The following DENND1A variants were observed in gnomAD, a reference collection of about 807,000 sequenced individuals.
DENND1A encodes DENN domain-containing protein 1A.
A neutral mutation model predicts 113.7 loss-of-function variants in DENND1A; 51 were observed. The ratio of observed to expected loss-of-function variants is 0.45; its 90% CI spans 0.36 to 0.57. The LOEUF (loss-of-function observed/expected upper bound fraction) is 0.57, where lower values mean the gene tolerates loss of function less well. Ranked by LOEUF, DENND1A falls within the 20% of genes least tolerant of loss-of-function variation. The probability of loss-of-function intolerance (pLI) is 0.00; values close to 1 mark genes in which losing one functional copy is unlikely to be tolerated. For missense variants in DENND1A, 1,258 were observed against 1,395.9 expected (o/e 0.90, Z 1.57); for synonymous variants, 565 against 570.8 (o/e 0.99, Z 0.14).
intron 2 of DENND1A, among the ~76,000 whole-genome samples, chr9:123,873,391 T>C (rs1007585811): frequency 6.6e-6 from 1 of 152,206 alleles, no homozygotes; most frequent in African/African-American, 2.4e-5. Context: ...GAGATGCTCT[T>C]CAGAGCACAG....
chr9:123,846,232 C>T (rs77130025), intron 2 of DENND1A, among the ~76,000 whole-genome samples: 2 of 152,330 alleles, frequency 1.3e-5, no homozygotes, highest in East Asian at 1.9e-4. Flanking sequence ...GAACCTTACA[C>T]ATTGCTGGTG....
At chr9:123,851,760 G>C (rs932126672) in intron 2 of DENND1A, among the ~76,000 whole-genome samples, 1 of 152,170 alleles carries the variant, frequency 6.6e-6, no homozygotes, top group Admixed American at 6.5e-5. Flanking sequence ...AGGCTCCTAC[G>C]GGGAGAAACA....
At chr9:123,428,535 T>C (rs1006814198) in intron 19 of DENND1A, among the ~76,000 whole-genome samples, 2 of 152,150 alleles carry the variant, frequency 1.3e-5, no homozygotes, top group African/African-American at 4.8e-5. Flanking sequence ...CAACACAGTA[T>C]TGGAAGTTCT....
At chr9:123,497,985 T>C (rs1474533725) in intron 13 of DENND1A, among the ~76,000 whole-genome samples, 1 of 152,180 alleles carries the variant, frequency 6.6e-6, no homozygotes, top group East Asian at 1.9e-4. Context: ...GCAAGGAGCC[T>C]TAAGAATGTG....
At chr9:123,538,805 C>CATATATATATAT (rs1169598985) in intron 13 of DENND1A, among the ~76,000 whole-genome samples, 1 of 50,088 alleles carries the variant, frequency 2.0e-5, no homozygotes, top group Non-Finnish European at 3.7e-5. Context: ...GGTGACAACT[C>CATATATATATAT]ATACATATAT....
chr9:123,884,457 T>TA (rs1318111138), intron 1 of DENND1A, among the ~76,000 whole-genome samples: 3 of 152,182 alleles, frequency 2.0e-5, no homozygotes, highest in African/African-American at 7.2e-5. Context: ...ATCCCATTAT[T>TA]AATTGTTTCA....
intron 2 of DENND1A, among the ~76,000 whole-genome samples, chr9:123,827,821 A>G (rs2132712002): frequency 6.6e-6 from 1 of 152,190 alleles, no homozygotes; most frequent in South Asian, 2.1e-4. Flanking sequence ...AATCACCTAA[A>G]CCCCTAATTG....
intron 13 of DENND1A, among the ~76,000 whole-genome samples, chr9:123,503,112 G>T (rs1362417477): frequency 3.9e-5 from 6 of 152,150 alleles, no homozygotes; most frequent in African/African-American, 1.2e-4. Context: ...TACCTGGCAG[G>T]TGGTCAGTGC....
intron 13 of DENND1A, among the ~76,000 whole-genome samples, chr9:123,478,507 C>T (rs1162372159): frequency 6.6e-6 from 1 of 152,214 alleles, no homozygotes; most frequent in Admixed American, 6.5e-5. Flanking sequence ...TTTCCAATAA[C>T]CAAAATAGCA....
chr9:123,709,275 CCCTCTGAGCACCAGTG>C (rs1398301520), intron 5 of DENND1A, among the ~76,000 whole-genome samples: 2 of 152,176 alleles, frequency 1.3e-5, no homozygotes, highest in African/African-American at 2.4e-5. Flanking sequence ...ACCCAGGCCC[CCCTCTGAGCACCAGTG>C]CCCCAGTTTC....
intron 17 of DENND1A, among the ~76,000 whole-genome samples, chr9:123,451,001 C>T (rs951239079): frequency 2.0e-5 from 3 of 151,670 alleles, no homozygotes; most frequent in Non-Finnish European, 2.9e-5. Flanking sequence ...TCTTTCCGTT[C>T]CAAAGCCCTT....
intron 9 of DENND1A, among the ~76,000 whole-genome samples, chr9:123,640,333 A>C (rs559546677): frequency 6.6e-6 from 1 of 152,198 alleles, no homozygotes; most frequent in Non-Finnish European, 1.5e-5. Context: ...TTGAAGACAG[A>C]GAAGCTGCTA....
intron 8 of DENND1A, among the ~76,000 whole-genome samples, chr9:123,654,967 A>G (rs2062855791): frequency 6.6e-6 from 1 of 152,098 alleles, no homozygotes; most frequent in African/African-American, 2.4e-5. Flanking sequence ...TGGAGTCAGG[A>G]ATCTCCCTCC....
intron 13 of DENND1A, among the ~76,000 whole-genome samples, chr9:123,535,812 C>T (rs767236258): frequency 1.7e-4 from 26 of 152,202 alleles, no homozygotes; most frequent in Non-Finnish European, 3.4e-4. Context: ...CTGAACTCAT[C>T]TTCTTTTATT....
intron 3 of DENND1A, among the ~76,000 whole-genome samples, chr9:123,785,324 C>G (rs992948382): frequency 6.6e-6 from 1 of 152,048 alleles, no homozygotes; most frequent in Non-Finnish European, 1.5e-5. Context: ...TGCACTCCAG[C>G]CTGGGTGACA....
At chr9:123,541,948 G>C (rs1319247058) in intron 13 of DENND1A, among the ~76,000 whole-genome samples, 1 of 152,218 alleles carries the variant, frequency 6.6e-6, no homozygotes, top group African/African-American at 2.4e-5. Flanking sequence ...TCCTTAGCCA[G>C]TACCAAACTA....
At chr9:123,903,123 G>A in intron 1 of DENND1A, among the ~76,000 whole-genome samples, 1 of 151,518 alleles carries the variant, frequency 6.6e-6, no homozygotes, top group Non-Finnish European at 1.5e-5. Flanking sequence ...ACGAGGTCAG[G>A]AGATCGAGAC....
intron 5 of DENND1A, among the ~76,000 whole-genome samples, chr9:123,691,237 C>T (rs1281787573): frequency 1.3e-5 from 2 of 152,144 alleles, no homozygotes; most frequent in Non-Finnish European, 2.9e-5. Flanking sequence ...ATGAACAAGA[C>T]ACAGTGCTGT....
At chr9:123,654,922 G>A (rs1282634619) in intron 8 of DENND1A, among the ~76,000 whole-genome samples, 2 of 152,184 alleles carry the variant, frequency 1.3e-5, no homozygotes, top group African/African-American at 2.4e-5. Flanking sequence ...AGCACTCGCA[G>A]TTCCCATCAA....
Sources: allele counts gnomAD v4.1 joint callset (sites outside exome capture counted in the v4.1 genomes callset), GRCh38; gene constraint gnomAD v4.1.1; transcripts MANE v1.5; gene names NCBI Gene and HGNC (gene_info 2026-07-23, HGNC 2026-07-21).